The following VPS13B variants were observed in gnomAD, a reference collection of about 807,000 sequenced individuals.
VPS13B encodes the protein intermembrane lipid transfer protein VPS13B.
VPS13B carries 285 observed loss-of-function variants against 426.4 expected under a neutral mutation model. That is an observed-to-expected ratio of 0.67 (90% confidence interval 0.61 to 0.74). VPS13B has a LOEUF of 0.74. Among genes scored for constraint, VPS13B ranks in the 30% least tolerant of loss-of-function variants. The pLI, the probability that VPS13B is intolerant of heterozygous loss-of-function variation, is 0.00. For missense variants in VPS13B, 4,537 were observed against 4,782.6 expected (o/e 0.95, Z 1.51); for synonymous variants, 1,676 against 1,676.4 (o/e 1.00, Z 0.01).
chr8:99,533,097 G>A (rs774687457), intron 30 of VPS13B, among the ~76,000 whole-genome samples: 1 of 151,456 alleles, frequency 6.6e-6, no homozygotes, highest in Non-Finnish European at 1.5e-5. Context: ...GCACAACCAC[G>A]CCGGCTAATT....
rs751254612 is a variant in VPS13B, at chr8:99,853,799, A to G, written c.10410A>G (p.Glu3470=). ...QSLLISNKEL[E]EYKEKCFIKL... ...TCCTCATATCCAACAAAGAGTTGGA[A>G]GAATACAAGGAAAAATGTTTTATCA... Residue 3470 remains glutamate, a synonymous_variant, in exon 56 of 62, where the codon GAA becomes GAG. Coordinates refer to ENST00000357162, the MANE Select transcript of VPS13B (RefSeq NM_152564.5). 4.6e-5 allele frequency: 75 copies of G among 1,614,162 alleles called. No homozygotes were observed. The highest frequency in any genetic ancestry group is 6.1e-5 in the Non-Finnish European group (72 of 1,180,062).
intron 21 of VPS13B, among the ~76,000 whole-genome samples, chr8:99,426,228 C>CA (rs1383318271): frequency 1.4e-5 from 2 of 140,540 alleles, no homozygotes; most frequent in Non-Finnish European, 3.1e-5. Flanking sequence ...CATGTCCCTA[C>CA]AAAGGACATG....
intron 4 of VPS13B, among the ~76,000 whole-genome samples, chr8:99,098,486 T>C (rs1324437423): frequency 6.6e-6 from 1 of 152,202 alleles, no homozygotes; most frequent in Non-Finnish European, 1.5e-5. Context: ...AATCCTGTTG[T>C]ATAACTCTTC....
At chr8:99,857,985 G>A (rs1816638730) in intron 56 of VPS13B, among the ~76,000 whole-genome samples, 1 of 152,174 alleles carries the variant, frequency 6.6e-6, no homozygotes. Flanking sequence ...CGTGGGCTGG[G>A]CATGGGATTC....
rs540886791 is a variant in VPS13B, at chr8:99,632,740, T to C, written c.5221-9071T>C. ...TTGCATTTCAAGTCTGTTGCATCATTACTTTTTAAGGTATTGATAACATAT... is the reference window on the plus strand; with the variant it reads ...TTGCATTTCAAGTCTGTTGCATCATCACTTTTTAAGGTATTGATAACATAT... On this transcript the variant is annotated intron_variant, in intron 33 of 61. Transcript: ENST00000357162. 1.1e-4 allele frequency among the ~76,000 whole-genome samples: 17 copies of C among 152,160 alleles called. No individual in the cohort carries two copies. The East Asian group carries it at 3.3e-3, about 29-fold the overall frequency.
chr8:99,243,894 G>A (rs781632468), intron 17 of VPS13B, among the ~76,000 whole-genome samples: 1 of 152,194 alleles, frequency 6.6e-6, no homozygotes. Flanking sequence ...ATCCTGAAGT[G>A]GTTGCTCAAG....
chr8:99,349,870 C>A (rs574986582), intron 19 of VPS13B, among the ~76,000 whole-genome samples: 4 of 151,622 alleles, frequency 2.6e-5, no homozygotes, highest in Non-Finnish European at 5.9e-5. Flanking sequence ...CACTTGTTTT[C>A]GGTGGAGTGG....
chr8:99,821,026 G>A (rs574114365), intron 49 of VPS13B, among the ~76,000 whole-genome samples: 7 of 144,734 alleles, frequency 4.8e-5, no homozygotes, highest in South Asian at 2.2e-4. Context: ...CCTCCCTTCC[G>A]TAAATACGAA....
At chr8:99,467,114 C>T (rs1014924340) in intron 23 of VPS13B, among the ~76,000 whole-genome samples, 3 of 152,014 alleles carry the variant, frequency 2.0e-5, no homozygotes, top group Non-Finnish European at 4.4e-5. Context: ...TGCATACGTC[C>T]CCAACAGTTT....
chr8:99,063,401 G>A (rs1844304956), intron 3 of VPS13B, among the ~76,000 whole-genome samples: 1 of 152,218 alleles, frequency 6.6e-6, no homozygotes, highest in Non-Finnish European at 1.5e-5. Flanking sequence ...TTAGCAAACG[G>A]CATACCAGGA....
intron 21 of VPS13B, among the ~76,000 whole-genome samples, chr8:99,414,823 C>T (rs868410190): frequency 9.2e-5 from 14 of 152,210 alleles, no homozygotes; most frequent in Middle Eastern, 3.4e-3. Flanking sequence ...GTGGGTAACC[C>T]GAACTTTCTC....
intron 43 of VPS13B, among the ~76,000 whole-genome samples, chr8:99,806,789 T>C (rs1162442279): frequency 6.6e-6 from 1 of 152,180 alleles, no homozygotes; most frequent in Non-Finnish European, 1.5e-5. Context: ...AGCAGTGAAA[T>C]TTAGTCAGTG....
intron 17 of VPS13B, among the ~76,000 whole-genome samples, chr8:99,257,347 T>G (rs1043147857): frequency 6.6e-6 from 1 of 152,140 alleles, no homozygotes; most frequent in Non-Finnish European, 1.5e-5. Flanking sequence ...AGTAAAAAAA[T>G]AGCTTGTTGG....
At chr8:99,207,768 C>A (rs1814815812) in intron 17 of VPS13B, among the ~76,000 whole-genome samples, 1 of 152,020 alleles carries the variant, frequency 6.6e-6, no homozygotes, top group Non-Finnish European at 1.5e-5. Context: ...CCTATGTATT[C>A]TTTGCTCATG....
Position 99,192,884 on chromosome 8 carries a change from G to T in VPS13B, c.2342G>T (p.Arg781Ile), listed in dbSNP as rs1222785362. ...LLKLPTCWTKRSQIAITEGIF... is the reference protein window; with the variant it reads ...LLKLPTCWTKISQIAITEGIF... ...TCTGTTTTCTTGTGCAGGACCAAAA[G>T]ATCTCAGATTGCTATAACTGAAGGT... is the stretch of plus-strand genomic sequence containing the variant. Residue 781 changes from arginine to isoleucine, a missense_variant, in exon 17 of 62, where the codon AGA (arginine) becomes ATA (isoleucine). This residue lies in a region of VPS13B where 4,311 missense variants were observed against 4,474.3 expected (regional missense o/e 0.96). Transcript: ENST00000357162. 6.2e-7 allele frequency: 1 copy of T among 1,613,004 alleles called. No homozygotes were observed. The highest frequency in any genetic ancestry group is 1.7e-5 in the Admixed American group (1 of 60,018).
At chr8:99,501,896 G>GTCCTTCCC (rs1821252019) in intron 26 of VPS13B, 38 bp downstream of exon 26, 1 of 1,383,526 alleles carries the variant, frequency 7.2e-7, no homozygotes, top group Non-Finnish European at 9.8e-7. Flanking sequence ...CCCTCCCTCT[G>GTCCTTCCC]TCCCTCCCTC....
At chr8:99,097,275 G>A (rs1285701117) in intron 4 of VPS13B, among the ~76,000 whole-genome samples, 1 of 152,154 alleles carries the variant, frequency 6.6e-6, no homozygotes, top group African/African-American at 2.4e-5. Flanking sequence ...CTTCAAGATA[G>A]CTGATGTTTA....
At chr8:99,706,144 T>A (rs1832487652) in intron 36 of VPS13B, among the ~76,000 whole-genome samples, 1 of 152,104 alleles carries the variant, frequency 6.6e-6, no homozygotes, top group Admixed American at 6.6e-5. Context: ...AACATTGCTG[T>A]ACCCCCACTT....
intron 3 of VPS13B, among the ~76,000 whole-genome samples, chr8:99,065,065 T>G (rs1170778502): frequency 6.6e-6 from 1 of 152,104 alleles, no homozygotes; most frequent in African/African-American, 2.4e-5. Context: ...TGCTGAGAGA[T>G]TTTGTCACCA....
Sources: allele counts gnomAD v4.1 joint callset (sites outside exome capture counted in the v4.1 genomes callset), GRCh38; gene constraint gnomAD v4.1.1; regional missense constraint gnomAD v4.1.1; transcripts MANE v1.5; gene names NCBI Gene and HGNC (gene_info 2026-07-23, HGNC 2026-07-21).